Variants in SAMD12 observed in about 807,000 individuals in gnomAD.
SAMD12 encodes sterile alpha motif domain-containing protein 12.
A neutral mutation model predicts 15.0 loss-of-function variants in SAMD12; 9 were observed. The observed-to-expected ratio is 0.60, with a 90% CI of 0.36 to 1.05. The LOEUF is 1.05. SAMD12 is among the 50% of genes least tolerant of loss of function. The pLI is 0.01. For missense variants in SAMD12, 230 were observed against 234.2 expected (o/e 0.98, Z 0.12); for synonymous variants, 86 against 90.1 (o/e 0.96, Z 0.25).
intron 2 of SAMD12, among the ~76,000 whole-genome samples, chr8:118,458,942 A>C (rs907545628): frequency 1.1e-4 from 12 of 109,478 alleles, no homozygotes; most frequent in Admixed American, 1.0e-3. Flanking sequence ...TAAAGTCTTC[A>C]GCTATATATG....
chr8:118,515,050 A>G (rs1267251668), intron 2 of SAMD12, among the ~76,000 whole-genome samples: 1 of 151,602 alleles, frequency 6.6e-6, no homozygotes, highest in East Asian at 1.9e-4. Context: ...ACGGAGTCTC[A>G]CTCTGTCGCC....
At chr8:118,137,429 T>C in the SAMD12 span, among the ~76,000 whole-genome samples, 1 of 152,206 alleles carries the variant, frequency 6.6e-6, no homozygotes, top group African/African-American at 2.4e-5. Context: ...CTGGTTCTTT[T>C]GTTACTTAGG....
chr8:118,218,412 A>G (rs1054240585), intron 4 of SAMD12, among the ~76,000 whole-genome samples: 8 of 152,176 alleles, frequency 5.3e-5, no homozygotes, highest in South Asian at 4.1e-4. Context: ...CTATTCTTTT[A>G]TACATTTTGG....
chr8:118,562,251 G>A (rs1037138573), intron 2 of SAMD12, among the ~76,000 whole-genome samples: 4 of 152,172 alleles, frequency 2.6e-5, no homozygotes, highest in African/African-American at 9.7e-5. Flanking sequence ...ATGTCCACCA[G>A]GCAGCTGAAA....
chr8:118,529,934 G>A (rs955210311), intron 2 of SAMD12, among the ~76,000 whole-genome samples: 8 of 152,126 alleles, frequency 5.3e-5, no homozygotes, highest in Admixed American at 3.3e-4. Context: ...TCTATTTTTA[G>A]TTCTTTGAGA....
intron 2 of SAMD12, among the ~76,000 whole-genome samples, chr8:118,576,711 A>G (rs1472256719): frequency 3.3e-5 from 5 of 152,194 alleles, no homozygotes; most frequent in Non-Finnish European, 4.4e-5. Flanking sequence ...GGAAACTGCT[A>G]TGTGGAACCA....
At chr8:118,586,479 A>C (rs1827446483) in intron 1 of SAMD12, among the ~76,000 whole-genome samples, 1 of 151,690 alleles carries the variant, frequency 6.6e-6, no homozygotes, top group Non-Finnish European at 1.5e-5. Flanking sequence ...AGTAGCTGTG[A>C]CTACAGGTGT....
At chr8:118,531,918 TTTC>T (rs1269045967) in intron 2 of SAMD12, among the ~76,000 whole-genome samples, 1 of 152,218 alleles carries the variant, frequency 6.6e-6, no homozygotes, top group Non-Finnish European at 1.5e-5. Flanking sequence ...ATACCCTTTA[TTTC>T]TTTCTCCTGC....
chr8:118,141,104 A>G, the SAMD12 span, among the ~76,000 whole-genome samples: 1 of 152,234 alleles, frequency 6.6e-6, no homozygotes, highest in Admixed American at 6.5e-5. Flanking sequence ...CACAAGAGCA[A>G]GAATATTTAG....
chr8:118,200,329 A>C (rs1276246747), intron 4 of SAMD12, among the ~76,000 whole-genome samples: 1 of 149,892 alleles, frequency 6.7e-6, no homozygotes, highest in Non-Finnish European at 1.5e-5. Context: ...AGCCTTTCCC[A>C]TCCCATCTTC....
chr8:118,162,605 T>C, the SAMD12 span, among the ~76,000 whole-genome samples: 1 of 152,120 alleles, frequency 6.6e-6, no homozygotes, highest in South Asian at 2.1e-4. Context: ...TAGGTCTAGA[T>C]TTCTCAAGAG....
the SAMD12 span, among the ~76,000 whole-genome samples, chr8:118,180,002 A>G: frequency 6.6e-6 from 1 of 152,218 alleles, no homozygotes; most frequent in Non-Finnish European, 1.5e-5. Flanking sequence ...ATCAAAGTAC[A>G]TTTGTTTTGG....
chr8:118,254,495 CCA>C (rs1368056966), intron 4 of SAMD12, among the ~76,000 whole-genome samples: 2 of 152,148 alleles, frequency 1.3e-5, no homozygotes, highest in East Asian at 3.9e-4. Context: ...ATCCATCTCG[CCA>C]CACCAGGCTT....
Position 118,378,089 on chromosome 8 carries a change from T to A in SAMD12, c.*1328A>T, listed in dbSNP as rs988345933. The A allele has an allele frequency of 6.6e-6, 1 of 152,266 alleles. No individual in the cohort carries two copies. Among genetic ancestry groups the A allele is most frequent in the Non-Finnish European group, 1.5e-5 (1 of 68,066 alleles). 9.4% of individuals were successfully genotyped at this position (152,266 alleles called of 1,614,324 possible). A position where few individuals can be genotyped will look rare whatever the true frequency, so the allele number is the denominator to read the frequency against. ...ATATATGGTTTTTACAAAATTGGGC[T>A]TATATTATGCATACAATTTTACACA... On this transcript the variant is annotated 3_prime_UTR_variant, in exon 4 of 4. Transcript: ENST00000314727.
chr8:118,419,950 T>C (rs1320055433), intron 3 of SAMD12, among the ~76,000 whole-genome samples: 2 of 152,156 alleles, frequency 1.3e-5, no homozygotes, highest in African/African-American at 4.8e-5. Context: ...ATTTAATGAA[T>C]TGCAGAAAAG....
At chr8:118,388,015 C>T (rs948528252) in intron 3 of SAMD12, among the ~76,000 whole-genome samples, 3 of 152,136 alleles carry the variant, frequency 2.0e-5, no homozygotes, top group African/African-American at 7.2e-5. Context: ...GATAATTTCC[C>T]TGCCAGAGGG....
At chr8:118,149,142 G>A in the SAMD12 span, among the ~76,000 whole-genome samples, 1 of 152,110 alleles carries the variant, frequency 6.6e-6, no homozygotes, top group Admixed American at 6.5e-5. Context: ...CAGGCTGAGG[G>A]GTGCAGGAAC....
chr8:118,463,147 C>G (rs1428390783), intron 2 of SAMD12, among the ~76,000 whole-genome samples: 1 of 145,520 alleles, frequency 6.9e-6, no homozygotes, highest in Non-Finnish European at 1.5e-5. Flanking sequence ...GTGCTGAACC[C>G]AAATAGAATC....
At chr8:118,283,087 C>G (rs1006171499) in intron 4 of SAMD12, among the ~76,000 whole-genome samples, 2 of 152,032 alleles carry the variant, frequency 1.3e-5, no homozygotes, top group East Asian at 3.9e-4. Context: ...CTGACCAGGA[C>G]TCACCGAGGA....
Sources: gnomAD v4.1 joint callset for allele counts (sites outside exome capture counted in the v4.1 genomes callset) on GRCh38, gnomAD v4.1.1 for gene constraint, MANE v1.5 for transcripts, NCBI Gene and HGNC (gene_info 2026-07-23, HGNC 2026-07-21) for gene names.